The following SOBP variants were observed in gnomAD, a reference collection of about 807,000 sequenced individuals.
SOBP encodes the protein sine oculis-binding protein homolog.
Under a neutral mutation model 53.6 loss-of-function variants are expected in SOBP, and 4 were observed. That is an observed-to-expected ratio of 0.07 (90% confidence interval 0.04 to 0.17). The LOEUF (loss-of-function observed/expected upper bound fraction) is 0.17, where lower values mean the gene tolerates loss of function less well. Ranked by LOEUF, SOBP falls within the 10% of genes least tolerant of loss-of-function variation. The probability of loss-of-function intolerance (pLI) is 1.00; values close to 1 mark genes in which losing one functional copy is unlikely to be tolerated. For synonymous variants in SOBP, 584 were observed against 522.6 expected (o/e 1.12, Z -1.60); for missense variants, 1,088 against 1,204.7 (o/e 0.90, Z 1.43).
chr6:107,634,215 G>A lies in SOBP; in HGVS notation c.1371G>A (p.Ser457=), dbSNP rs1481359566. The change falls in exon 6 of 7, where the codon TCG becomes TCA. Residue 457 remains serine, a synonymous_variant. Transcript: ENST00000317357. The surrounding 1 kb of genome is among the most constrained non-coding windows in gnomAD (Gnocchi z 4.5). ...TSSPMHRPML[S]PHIHPPSTPT... ...GCCCCATGCACCGGCCCATGCTATC[G>A]CCCCACATCCACCCCCCGAGCACCC... The A allele has an allele frequency of 3.8e-6, 6 of 1,597,190 alleles. No homozygotes were observed. The highest frequency in any genetic ancestry group is 4.3e-6 in the Non-Finnish European group (5 of 1,175,586).
intron 5 of SOBP, among the ~76,000 whole-genome samples, chr6:107,597,753 G>A (rs1005838948): frequency 6.6e-6 from 1 of 152,160 alleles, no homozygotes; most frequent in Non-Finnish European, 1.5e-5. Context: ...TGAAAATTGA[G>A]CTGCATCAAT....
At chr6:107,500,903 T>C (rs1782829552) in intron 1 of SOBP, among the ~76,000 whole-genome samples, 1 of 152,350 alleles carries the variant, frequency 6.6e-6, no homozygotes, top group Non-Finnish European at 1.5e-5. Flanking sequence ...GTAATAGTCA[T>C]TTCTTGTAGC....
intron 4 of SOBP, among the ~76,000 whole-genome samples, chr6:107,541,419 G>A (rs1046153909): frequency 6.6e-6 from 1 of 152,124 alleles, no homozygotes; most frequent in Non-Finnish European, 1.5e-5. Flanking sequence ...TTTTTCCATC[G>A]AAATAGTAGA....
At position 107,623,174 on chromosome 6, in the gene SOBP, G is replaced by C. The variant is rs1258102133; in HGVS notation, c.670-10340G>C. Among the ~76,000 whole-genome samples, 4 of 152,212 alleles carry C rather than the reference G, an allele frequency of 2.6e-5. No homozygotes were observed. The East Asian group carries it at 7.7e-4, about 29-fold the overall frequency. On this transcript the variant is annotated intron_variant, in intron 5 of 6. Transcript: ENST00000317357. ...GAAGTGCCAAGGAAAGGTGGATTTG[G>C]TCCGACAATCAGAGGCTCAGTGCAT...
At chr6:107,633,189 G>A (rs1489350857) in intron 5 of SOBP, among the ~76,000 whole-genome samples, 1 of 152,192 alleles carries the variant, frequency 6.6e-6, no homozygotes, top group Non-Finnish European at 1.5e-5. Flanking sequence ...TCTGACAAGT[G>A]AAAATGTGTG....
At chr6:107,559,993 G>T (rs1447303175) in intron 4 of SOBP, among the ~76,000 whole-genome samples, 6 of 152,114 alleles carry the variant, frequency 3.9e-5, no homozygotes, top group African/African-American at 7.2e-5. Flanking sequence ...GGGGGAGAGG[G>T]TGGCCTGATG....
At chr6:107,599,793 C>T (rs1044579664) in intron 5 of SOBP, among the ~76,000 whole-genome samples, 3 of 152,136 alleles carry the variant, frequency 2.0e-5, no homozygotes, top group African/African-American at 7.2e-5. Context: ...ATCAATTAGG[C>T]ACTTATTATT....
At chr6:107,632,913 C>T (rs1309286042) in intron 5 of SOBP, among the ~76,000 whole-genome samples, 1 of 152,194 alleles carries the variant, frequency 6.6e-6, no homozygotes, top group Non-Finnish European at 1.5e-5. Context: ...CTTGCTGCAA[C>T]ATCACAGGTT....
intron 5 of SOBP, among the ~76,000 whole-genome samples, chr6:107,617,004 T>C (rs1786816697): frequency 6.6e-6 from 1 of 152,104 alleles, no homozygotes; most frequent in African/African-American, 2.4e-5. Context: ...GGGCAGTTGC[T>C]GGGCTGCTGC....
At chr6:107,612,942 T>A (rs1786653209) in intron 5 of SOBP, among the ~76,000 whole-genome samples, 1 of 152,254 alleles carries the variant, frequency 6.6e-6, no homozygotes, top group African/African-American at 2.4e-5. Context: ...TATGGCTGAA[T>A]AATATTCCAT....
rs141679662 is a variant in SOBP, at chr6:107,580,034, A to G, written c.574-7046A>G. ...TTAAATACATTTGGTTAAAAGAACA[A>G]AGTAAAACAGCACCACTGCAGAAAT... On this transcript the variant is annotated intron_variant, in intron 4 of 6. Transcript: ENST00000317357. Among the ~76,000 whole-genome samples, 252 of 152,356 alleles carry G rather than the reference A, an allele frequency of 1.7e-3. 2 individuals carry two copies. Among genetic ancestry groups the G allele is most frequent in the African/African-American group, 5.7e-3 (239 of 41,570 alleles).
rs562167443 is a variant in SOBP, at chr6:107,515,596, A to T, written c.421+9169A>T. Among the ~76,000 whole-genome samples, 12 of 152,248 alleles carry T rather than the reference A, an allele frequency of 7.9e-5. No individual in the cohort carries two copies. In the East Asian group the frequency reaches 2.3e-3, roughly 29 times the overall value. The stretch of plus-strand genomic sequence containing the variant: ...AAACCCTGTCTCTACTAAAAATACT[A>T]AAATAAGCTGGGCATGGTGGCACAT... On this transcript the variant is annotated intron_variant, in intron 3 of 6. Coordinates refer to ENST00000317357, the MANE Select transcript of SOBP (RefSeq NM_018013.4).
intron 6 of SOBP, among the ~76,000 whole-genome samples, chr6:107,640,128 A>G (rs1339848911): frequency 6.6e-6 from 1 of 152,186 alleles, no homozygotes; most frequent in Non-Finnish European, 1.5e-5. Context: ...AGTTCACTTC[A>G]TTGGGGAAGC....
chr6:107,531,626 A>T (rs1043916398), intron 3 of SOBP, among the ~76,000 whole-genome samples: 3 of 152,076 alleles, frequency 2.0e-5, no homozygotes, highest in Admixed American at 1.3e-4. Context: ...ATTTATTTTT[A>T]AATTTTTTTT....
At chr6:107,628,430 G>A (rs1252889976) in intron 5 of SOBP, among the ~76,000 whole-genome samples, 2 of 152,158 alleles carry the variant, frequency 1.3e-5, no homozygotes, top group African/African-American at 2.4e-5. Context: ...AGAGAGAAAC[G>A]TGCCCTGTTT....
chr6:107,607,147 G>C (rs145840742), intron 5 of SOBP, among the ~76,000 whole-genome samples: 1 of 152,130 alleles, frequency 6.6e-6, no homozygotes, highest in Non-Finnish European at 1.5e-5. Flanking sequence ...TAAATGTTCC[G>C]CCTGTTGTCA....
intron 4 of SOBP, among the ~76,000 whole-genome samples, chr6:107,539,432 A>C (rs1784091018): frequency 6.6e-6 from 1 of 152,220 alleles, no homozygotes; most frequent in African/African-American, 2.4e-5. Flanking sequence ...TGCTATTGAC[A>C]TATATGCTGG....
At chr6:107,626,742 C>T (rs1176919493) in intron 5 of SOBP, among the ~76,000 whole-genome samples, 1 of 151,576 alleles carries the variant, frequency 6.6e-6, no homozygotes, top group Non-Finnish European at 1.5e-5. Flanking sequence ...TGGGCTAGGA[C>T]GTTGCTCCCT....
At chr6:107,640,835 G>A (rs2115162212) in intron 6 of SOBP, among the ~76,000 whole-genome samples, 1 of 152,302 alleles carries the variant, frequency 6.6e-6, no homozygotes, top group South Asian at 2.1e-4. Context: ...CAAAGGAAGG[G>A]CTTAGGGCAG....
Sources: allele counts gnomAD v4.1 joint callset (sites outside exome capture counted in the v4.1 genomes callset), GRCh38; gene constraint gnomAD v4.1.1; non-coding constraint Gnocchi (gnomAD v3.1); transcripts MANE v1.5; gene names NCBI Gene and HGNC (gene_info 2026-07-23, HGNC 2026-07-21).